The following GMPS variants were observed in gnomAD, a reference collection of about 807,000 sequenced individuals.
GMPS encodes the protein GMP synthase [glutamine-hydrolyzing].
In GMPS, 15 loss-of-function variants were observed where a neutral mutation model predicts 77.9. The observed-to-expected ratio is 0.19, with a 90% CI of 0.13 to 0.30. GMPS has a LOEUF of 0.30. Among genes scored for constraint, GMPS ranks in the 10% least tolerant of loss-of-function variants. The probability of loss-of-function intolerance (pLI) is 1.00; values close to 1 mark genes in which losing one functional copy is unlikely to be tolerated. For missense variants in GMPS, 590 were observed against 838.8 expected, an observed-to-expected ratio of 0.70 and a Z score of 3.66; for synonymous variants, 224 against 275.9, an observed-to-expected ratio of 0.81 and a Z score of 1.86.
Position 155,942,542 on chromosome 3 carries a change from A to C in GMPS, c.*4850A>C. Reference sequence around the variant, plus strand: ...GTCTTGCTGAAGGTCTTATAGCTAAATTAGTTCAGATCCAGGAACCAGATT... The same window carrying C: ...GTCTTGCTGAAGGTCTTATAGCTAACTTAGTTCAGATCCAGGAACCAGATT... On this transcript the variant is annotated 3_prime_UTR_variant, in exon 16 of 16. Coordinates refer to ENST00000496455, the MANE Select transcript of GMPS (RefSeq NM_003875.3). 1 of 227,876 alleles carries C rather than the reference A, an allele frequency of 4.4e-6. No individual in the cohort carries two copies. The highest frequency in any genetic ancestry group is 1.3e-3 in the Middle Eastern group (1 of 758). The allele number at this position is 227,876 out of a possible 1,614,324, so 14.1% of individuals were successfully genotyped here.
intron 1 of GMPS, among the ~76,000 whole-genome samples, chr3:155,875,014 C>T (rs1483895072): frequency 7.1e-6 from 1 of 140,984 alleles, no homozygotes; most frequent in Admixed American, 7.8e-5. Flanking sequence ...TTCAAGTGAT[C>T]CTTGTGTGAT....
chr3:155,940,683 T>C lies in GMPS; in HGVS notation c.*2991T>C, dbSNP rs1755864993. The C allele has an allele frequency of 4.5e-6, 1 of 224,458 alleles. No homozygotes were observed. Among genetic ancestry groups the C allele is most frequent in the African/African-American group, 2.2e-5 (1 of 44,804 alleles). The allele number at this position is 224,458 out of a possible 1,614,324, so 13.9% of individuals were successfully genotyped here. A position where few individuals can be genotyped will look rare whatever the true frequency, so the allele number is the denominator to read the frequency against. ...TCAGCATCAAATCCAGCTATAAATT[T>C]GTATTTTGTAAACAAGAGAAAGTAA... On this transcript the variant is annotated 3_prime_UTR_variant, in exon 16 of 16. Coordinates refer to ENST00000496455, the MANE Select transcript of GMPS (RefSeq NM_003875.3).
chr3:155,896,803 C>T (rs1386842755), intron 2 of GMPS, among the ~76,000 whole-genome samples: 1 of 145,708 alleles, frequency 6.9e-6, no homozygotes, highest in African/African-American at 2.5e-5. Flanking sequence ...ATAAATCTAG[C>T]AATATACTTT....
chr3:155,896,965 C>T (rs1232984955), intron 2 of GMPS, among the ~76,000 whole-genome samples: 1 of 151,854 alleles, frequency 6.6e-6, no homozygotes, highest in Non-Finnish European at 1.5e-5. Context: ...TAGAGAGTAC[C>T]TTAAATTGAA....
chr3:155,925,268 G>A lies in GMPS; in HGVS notation c.1462G>A (p.Ala488Thr), dbSNP rs768820272. Residue 488 changes from alanine (A) to threonine (T), a missense_variant, in exon 12 of 16, where the codon GCC (alanine) becomes ACC (threonine). Coordinates refer to ENST00000496455, the MANE Select transcript of GMPS (RefSeq NM_003875.3). ...KPHTLLQRVKACTTEEDQEKL... is the reference protein window; with the variant it reads ...KPHTLLQRVKTCTTEEDQEKL... ...ACATACCCTATTACAGAGAGTCAAA[G>A]CCTGCACAACAGAAGAGGATCAGGA... is the stretch of plus-strand genomic sequence containing the variant. The A allele has an allele frequency of 6.2e-6, 10 of 1,613,180 alleles. No homozygotes were observed. The highest frequency in any genetic ancestry group is 8.5e-6 in the Non-Finnish European group (10 of 1,179,348).
intron 1 of GMPS, among the ~76,000 whole-genome samples, chr3:155,879,247 A>G (rs1336752183): frequency 1.4e-5 from 2 of 146,782 alleles, no homozygotes; most frequent in African/African-American, 5.0e-5. Flanking sequence ...ATTTCTCCAC[A>G]TCCTTTTCTG....
chr3:155,873,635 G>GTTTTTTTTT (rs1340921688), intron 1 of GMPS, among the ~76,000 whole-genome samples: 1 of 32,712 alleles, frequency 3.1e-5, no homozygotes, highest in Non-Finnish European at 6.5e-5. Context: ...ACATGAGTAA[G>GTTTTTTTTT]TTCTTTTTTT....
chr3:155,933,014 A>C (rs1755664272), intron 13 of GMPS, among the ~76,000 whole-genome samples: 1 of 152,178 alleles, frequency 6.6e-6, no homozygotes, highest in African/African-American at 2.4e-5. Context: ...CAACATGGTG[A>C]AACTCCATCT....
In GMPS at chr3:155,911,006, A is replaced by G. The variant is rs1755022991; in HGVS notation, c.721-108A>G. ...GTTTTAGAGTGCTTTTCCAGTTACC[A>G]TACATATCTTTGGTATAAATAGCAC... On this transcript the variant is annotated intron_variant, in intron 6 of 15. Transcript: ENST00000496455. 2.4e-5 allele frequency: 27 copies of G among 1,103,900 alleles called. No homozygotes were observed. In the South Asian group the frequency reaches 4.2e-4, roughly 17 times the overall value. 68.4% of individuals were successfully genotyped at this position (1,103,900 alleles called of 1,614,324 possible).
At chr3:155,888,600 T>G (rs2108066280) in intron 1 of GMPS, among the ~76,000 whole-genome samples, 1 of 151,486 alleles carries the variant, frequency 6.6e-6, no homozygotes, top group Non-Finnish European at 1.5e-5. Context: ...TTTTTTTTTT[T>G]TTTTTGAGAT....
chr3:155,877,322 A>G (rs1661777206), intron 1 of GMPS, among the ~76,000 whole-genome samples: 1 of 152,180 alleles, frequency 6.6e-6, no homozygotes, highest in Non-Finnish European at 1.5e-5. Context: ...CATGTCCTCA[A>G]TCTGGATTCT....
In GMPS at chr3:155,940,663, A is replaced by C. The variant is rs150654138; in HGVS notation, c.*2971A>C. On this transcript the variant is annotated 3_prime_UTR_variant, in exon 16 of 16. Coordinates refer to ENST00000496455, the MANE Select transcript of GMPS (RefSeq NM_003875.3). ...GAGGTAACTGTATTAAATTTTCAGC[A>C]TCAAATCCAGCTATAAATTTGTATT... 4 of 221,804 alleles carry C rather than the reference A, an allele frequency of 1.8e-5. No individual in the cohort carries two copies. Among genetic ancestry groups the C allele is most frequent in the African/African-American group, 6.7e-5 (3 of 44,746 alleles). The allele number at this position is 221,804 out of a possible 1,614,324, so 13.7% of individuals were successfully genotyped here. A position where few individuals can be genotyped will look rare whatever the true frequency, so the allele number is the denominator to read the frequency against.
chr3:155,898,074 T>A lies in GMPS; in HGVS notation c.324+33T>A, dbSNP rs763387373. The A allele has an allele frequency of 3.0e-6, 3 of 997,640 alleles. No individual in the cohort carries two copies. The African/African-American group carries it at 4.7e-5, about 16-fold the overall frequency. The allele number at this position is 997,640 out of a possible 1,614,324, so 61.8% of individuals were successfully genotyped here. The stretch of plus-strand genomic sequence containing the variant: ...AGCAAATTTGTTTTGAAAGCTTACT[T>A]ATATTTTATTCTGTTTGTGAGTCAT... On this transcript the variant is annotated intron_variant, in intron 3 of 15. Transcript: ENST00000496455.
At chr3:155,903,618 G>A (rs1457030810) in intron 3 of GMPS, among the ~76,000 whole-genome samples, 1 of 152,170 alleles carries the variant, frequency 6.6e-6, no homozygotes, top group African/African-American at 2.4e-5. Flanking sequence ...ATCTGCCAGT[G>A]TTTGACAGAA....
rs1050563704 is a variant in GMPS, at chr3:155,940,533, A to C, written c.*2841A>C. ...TTGACCCTAACCTGTAGAGAATAAG[A>C]GCATTCAAATTAGGAAGGCAGGACT... On this transcript the variant is annotated 3_prime_UTR_variant, in exon 16 of 16. Transcript: ENST00000496455. 2.3e-5 allele frequency: 5 copies of C among 217,088 alleles called. No homozygotes were observed. In the East Asian group the frequency reaches 3.4e-4, roughly 15 times the overall value. The allele number at this position is 217,088 out of a possible 1,614,324, so 13.4% of individuals were successfully genotyped here. A position where few individuals can be genotyped will look rare whatever the true frequency, so the allele number is the denominator to read the frequency against.
At position 155,870,815 on chromosome 3, in the gene GMPS, C is replaced by A; in HGVS notation, c.-56C>A. ...CCGCGGCGCCGACCCTTCCGGCACC[C>A]TCCCGCCCCGTCTCGTACTGTCGCC... On this transcript the variant is annotated 5_prime_UTR_variant, in exon 1 of 16. Transcript: ENST00000496455. 8.0e-7 allele frequency: 1 copy of A among 1,255,080 alleles called. No homozygotes were observed. The highest frequency in any genetic ancestry group is 1.1e-6 in the Non-Finnish European group (1 of 905,286). The allele number at this position is 1,255,080 out of a possible 1,614,324, so 77.7% of individuals were successfully genotyped here.
At chr3:155,924,930 C>G (rs1457622863) in intron 11 of GMPS, among the ~76,000 whole-genome samples, 1 of 152,068 alleles carries the variant, frequency 6.6e-6, no homozygotes, top group Admixed American at 6.5e-5. Context: ...TAATTTCAGA[C>G]AAAACTGACT....
chr3:155,896,571 C>T (rs1157407031), intron 2 of GMPS, among the ~76,000 whole-genome samples: 1 of 150,522 alleles, frequency 6.6e-6, no homozygotes, highest in Non-Finnish European at 1.5e-5. Context: ...TTTTCTCTCA[C>T]TGTTTTGGTT....
Position 155,937,909 on chromosome 3 carries a change from A to G in GMPS, c.*217A>G. The G allele has an allele frequency of 2.2e-6, 1 of 464,114 alleles. No individual in the cohort carries two copies. Among genetic ancestry groups the G allele is most frequent in the Non-Finnish European group, 3.8e-6 (1 of 263,092 alleles). 28.7% of individuals were successfully genotyped at this position (464,114 alleles called of 1,614,324 possible). On this transcript the variant is annotated 3_prime_UTR_variant, in exon 16 of 16. Transcript: ENST00000496455. ...AAATAATCAAAGCACCATTGCCTAC[A>G]CTCAGACAGATTGATACTGCTTTTG...
Sources: allele counts gnomAD v4.1 joint callset (sites outside exome capture counted in the v4.1 genomes callset), GRCh38; gene constraint gnomAD v4.1.1; transcripts MANE v1.5; gene names NCBI Gene and HGNC (gene_info 2026-07-23, HGNC 2026-07-21).